The following VPS53 variants were observed in gnomAD, a reference collection of about 807,000 sequenced individuals.
VPS53 encodes the protein vacuolar protein sorting-associated protein 53 homolog.
A neutral mutation model predicts 107.0 loss-of-function variants in VPS53; 70 were observed. That is an observed-to-expected ratio of 0.65 (90% confidence interval 0.54 to 0.80). The LOEUF is 0.80. Ranked by LOEUF, VPS53 falls within the 30% of genes least tolerant of loss-of-function variation. VPS53 has a pLI of 0.00. For missense variants in VPS53, 917 were observed against 1,049.4 expected, an observed-to-expected ratio of 0.87 and a Z score of 1.74; for synonymous variants, 409 against 393.3, an observed-to-expected ratio of 1.04 and a Z score of -0.47.
At chr17:581,080 A>G (rs983745717) in intron 13 of VPS53, among the ~76,000 whole-genome samples, 2 of 151,150 alleles carry the variant, frequency 1.3e-5, no homozygotes. Context: ...TTCCCAGAGA[A>G]CTTCCCTCAG....
At chr17:627,986 C>CA in intron 9 of VPS53, 102 bp downstream of exon 9, 1 of 1,195,044 alleles carries the variant, frequency 8.4e-7, no homozygotes, top group South Asian at 1.6e-5. Flanking sequence ...CCAACACTGT[C>CA]AGACAGTCAT....
intron 14 of VPS53, 69 bp downstream of exon 14, chr17:562,434 T>C: frequency 6.3e-7 from 1 of 1,590,782 alleles, no homozygotes; most frequent in Non-Finnish European, 8.6e-7. Context: ...AACTTCAGAG[T>C]GGATTTCCTT....
intron 15 of VPS53, among the ~76,000 whole-genome samples, chr17:556,182 T>C (rs1912330964): frequency 6.6e-6 from 1 of 152,114 alleles, no homozygotes; most frequent in Non-Finnish European, 1.5e-5. Flanking sequence ...CCCAGCCACT[T>C]GGGAGGCTGA....
intron 13 of VPS53, among the ~76,000 whole-genome samples, chr17:579,506 C>T (rs1022896095): frequency 4.6e-5 from 7 of 151,382 alleles, no homozygotes; most frequent in African/African-American, 1.7e-4. Context: ...TTCCAGAGAA[C>T]CTCCCTCACA....
chr17:525,687 C>T (rs371086737), intron 19 of VPS53, among the ~76,000 whole-genome samples: 34 of 150,960 alleles, frequency 2.3e-4, no homozygotes, highest in African/African-American at 8.0e-4. Context: ...GAGTGGGACC[C>T]TGTCTCTTAA....
At position 710,576 on chromosome 17, in the gene VPS53, A is replaced by C. The variant is rs772247154; in HGVS notation, c.125T>G (p.Phe42Cys). The C allele has an allele frequency of 1.9e-6, 3 of 1,614,134 alleles. No individual in the cohort carries two copies. Among genetic ancestry groups the C allele is most frequent in the Non-Finnish European group, 2.5e-6 (3 of 1,179,972 alleles). The change falls in exon 2 of 22, where the codon TTC becomes TGC. Residue 42 changes from phenylalanine to cysteine, a missense_variant. Transcript: ENST00000437048. ...PSQDPLDRAD[F>C]NAVEYINTLF... ...GGTATTGATATACTCAACAGCATTGAAATCTGCTCGATCTAGAGGGTCCTG... is the reference window on the plus strand; with the variant it reads ...GGTATTGATATACTCAACAGCATTGCAATCTGCTCGATCTAGAGGGTCCTG...
chr17:697,085 A>G lies in VPS53; in HGVS notation c.285+333T>C, dbSNP rs181569797. Among the ~76,000 whole-genome samples the G allele has an allele frequency of 3.3e-5, 5 of 152,308 alleles. No homozygotes were observed. The East Asian group carries it at 9.6e-4, about 29-fold the overall frequency. On this transcript the variant is annotated intron_variant, in intron 4 of 21. Transcript: ENST00000437048. ...ACAGCCACAAAATATCAAAACCCCA[A>G]CAACTCAGCTGACGAATGCAGCAAC...
At chr17:602,831 T>G (rs967405329) in intron 11 of VPS53, among the ~76,000 whole-genome samples, 51 of 152,166 alleles carry the variant, frequency 3.4e-4, no homozygotes, top group African/African-American at 1.1e-3. Flanking sequence ...AGTTTTCACC[T>G]AGAGATGTTG....
intron 15 of VPS53, among the ~76,000 whole-genome samples, chr17:554,986 G>T (rs1028692424): frequency 6.6e-6 from 1 of 152,180 alleles, no homozygotes; most frequent in Non-Finnish European, 1.5e-5. Flanking sequence ...CAGAATAAGA[G>T]AGTTATTTAG....
At chr17:714,333 C>T in intron 1 of VPS53, 2 of 433,264 alleles carry the variant, frequency 4.6e-6, no homozygotes, top group Non-Finnish European at 8.3e-6. Context: ...AGGATGGCAC[C>T]CAAGGCCTGC....
intron 13 of VPS53, among the ~76,000 whole-genome samples, chr17:584,401 GT>G (rs1555558588): frequency 1.3e-5 from 2 of 152,230 alleles, no homozygotes; most frequent in Non-Finnish European, 2.9e-5. Context: ...TCGGCTGTTA[GT>G]TTGGAAGTCT....
At chr17:691,636 C>T (rs1302359549) in intron 4 of VPS53, among the ~76,000 whole-genome samples, 1 of 152,136 alleles carries the variant, frequency 6.6e-6, no homozygotes, top group Non-Finnish European at 1.5e-5. Context: ...AATTATGCGC[C>T]ATTCTGAGTA....
intron 1 of VPS53, among the ~76,000 whole-genome samples, chr17:712,239 G>A (rs1244620148): frequency 6.8e-6 from 1 of 147,414 alleles, no homozygotes; most frequent in African/African-American, 2.5e-5. Context: ...GGAAGGCAGT[G>A]GCACCATCTC....
Position 691,420 on chromosome 17 carries a change from G to A in VPS53, c.285+5998C>T, listed in dbSNP as rs114734178. 6.3e-3 allele frequency among the ~76,000 whole-genome samples: 952 copies of A among 152,274 alleles called. 10 individuals are homozygous for A. The highest frequency in any genetic ancestry group is 0.022 in the African/African-American group (911 of 41,544). Reference sequence around the variant, plus strand: ...CCAAGCTTCTGCAAGATAATGAAACGTCAGAGATGTAATACAAAGGACTCC... The same window carrying A: ...CCAAGCTTCTGCAAGATAATGAAACATCAGAGATGTAATACAAAGGACTCC... On this transcript the variant is annotated intron_variant, in intron 4 of 21. Coordinates refer to ENST00000437048, the MANE Select transcript of VPS53 (RefSeq NM_001128159.3).
chr17:704,345 A>G (rs563251462), intron 2 of VPS53, among the ~76,000 whole-genome samples: 2 of 152,268 alleles, frequency 1.3e-5, no homozygotes, highest in African/African-American at 4.8e-5. Flanking sequence ...CAGACACACA[A>G]GTACTTCCAC....
chr17:657,227 T>G, intron 5 of VPS53: 2 of 1,336,590 alleles, frequency 1.5e-6, no homozygotes, highest in South Asian at 2.4e-5. Flanking sequence ...AACTTGTACT[T>G]GGTCTCCTCA....
At chr17:611,662 C>T (rs781128314) in intron 11 of VPS53, among the ~76,000 whole-genome samples, 41 of 152,354 alleles carry the variant, frequency 2.7e-4, no homozygotes, top group Non-Finnish European at 4.4e-4. Flanking sequence ...CAGTGAAAAC[C>T]TGTACCGATA....
intron 4 of VPS53, among the ~76,000 whole-genome samples, chr17:672,839 G>A (rs954795703): frequency 5.3e-5 from 8 of 152,092 alleles, no homozygotes; most frequent in East Asian, 1.9e-4. Flanking sequence ...GCGGCCGGGC[G>A]CAGTGGCTCA....
intron 13 of VPS53, among the ~76,000 whole-genome samples, chr17:570,138 G>A (rs113441480): frequency 2.0e-5 from 3 of 151,960 alleles, no homozygotes; most frequent in East Asian, 3.9e-4. Context: ...AGGCCAAGGC[G>A]GGTGGATCAC....
Sources: gnomAD v4.1 joint callset for allele counts (sites outside exome capture counted in the v4.1 genomes callset) on GRCh38, gnomAD v4.1.1 for gene constraint, MANE v1.5 for transcripts, NCBI Gene and HGNC (gene_info 2026-07-23, HGNC 2026-07-21) for gene names.